The following DBNDD1 variants were observed in gnomAD, a reference collection of about 807,000 sequenced individuals.
DBNDD1 encodes dysbindin domain-containing protein 1.
In DBNDD1, 14 loss-of-function variants were observed where a neutral mutation model predicts 17.0. The ratio of observed to expected loss-of-function variants is 0.82; its 90% CI spans 0.54 to 1.29. The LOEUF is 1.29. Ranked by LOEUF, DBNDD1 falls within the 50% of genes most tolerant of loss-of-function variation. The pLI, the probability that DBNDD1 is intolerant of heterozygous loss-of-function variation, is 0.00. For missense variants in DBNDD1, 221 were observed against 216.2 expected (o/e 1.02, Z -0.14); for synonymous variants, 105 against 102.0 (o/e 1.03, Z -0.18).
chr16:90,009,743 C>A, intron 1 of DBNDD1: 1 of 634,544 alleles, frequency 1.6e-6, no homozygotes. Context: ...CCCACCAGGG[C>A]CCGCGTGGCT....
chr16:90,008,727 C>T, intron 3 of DBNDD1, 57 bp downstream of exon 3: 2 of 1,551,062 alleles, frequency 1.3e-6, no homozygotes, highest in South Asian at 2.3e-5. Flanking sequence ...CAGGACTTCC[C>T]AAGGGGCCTC....
chr16:90,013,734 A>G (rs1281231305), intron 1 of DBNDD1, among the ~76,000 whole-genome samples: 1 of 152,166 alleles, frequency 6.6e-6, no homozygotes, highest in Non-Finnish European at 1.5e-5. Context: ...CACCCAACCA[A>G]GACTTCCGAA....
chr16:90,013,925 TGGGGC>T (rs2035597006), intron 1 of DBNDD1, among the ~76,000 whole-genome samples: 1 of 10,728 alleles, frequency 9.3e-5, no homozygotes, highest in African/African-American at 4.7e-4. Flanking sequence ...TGATACTGGG[TGGGGC>T]GGGGGGGGAC....
chr16:90,019,624 C>T, upstream of DBNDD1: 1 of 404,234 alleles, frequency 2.5e-6, no homozygotes, highest in Non-Finnish European at 4.3e-6. This position sits in a 1 kb window ranked among gnomAD's most constrained non-coding sequence, Gnocchi z 6.1. Context: ...GACCCCTCCC[C>T]CGCCGACCCT....
chr16:90,018,747 A>T (rs56240065), intron 1 of DBNDD1, among the ~76,000 whole-genome samples: 1 of 152,162 alleles, frequency 6.6e-6, no homozygotes, highest in Non-Finnish European at 1.5e-5. Context: ...CGCCTGGGCC[A>T]CTCCCGGACC....
chr16:90,015,581 A>G (rs1357830423), intron 1 of DBNDD1, among the ~76,000 whole-genome samples: 1 of 152,220 alleles, frequency 6.6e-6, no homozygotes, highest in Non-Finnish European at 1.5e-5. Context: ...AGCGTGATTC[A>G]CAGTAGCCAA....
Position 90,006,114 on chromosome 16 carries a change from C to G in DBNDD1, c.*221G>C. On this transcript the variant is annotated 3_prime_UTR_variant, in exon 4 of 4. Coordinates refer to ENST00000002501, the MANE Select transcript of DBNDD1 (RefSeq NM_001042610.3). Reference sequence around the variant, plus strand: ...AGAGGCATCCGGGGGCCCCGTGTGTCCCCCAGGAAAGCCGGCTGGTCTCCA... The same window carrying G: ...AGAGGCATCCGGGGGCCCCGTGTGTGCCCCAGGAAAGCCGGCTGGTCTCCA... 3.1e-6 allele frequency: 2 copies of G among 645,356 alleles called. No individual in the cohort carries two copies. Among genetic ancestry groups the G allele is most frequent in the Non-Finnish European group, 5.0e-6 (2 of 399,066 alleles). The allele number at this position is 645,356 out of a possible 1,614,324, so 40.0% of individuals were successfully genotyped here.
At chr16:90,007,482 C>T (rs1444140537) in intron 3 of DBNDD1, 2 of 152,318 alleles carry the variant, frequency 1.3e-5, no homozygotes, top group East Asian at 3.8e-4. Flanking sequence ...GTCGCATCCT[C>T]ATGAGTCCTG....
chr16:90,009,145 A>G (rs2035500727), intron 2 of DBNDD1, 139 bp downstream of exon 2: 2 of 1,340,006 alleles, frequency 1.5e-6, no homozygotes, highest in Non-Finnish European at 2.0e-6. Flanking sequence ...AGAGAACCAG[A>G]GCTGCAAGAG....
intron 1 of DBNDD1, chr16:90,011,606 C>T (rs1410884754): frequency 2.2e-6 from 1 of 452,368 alleles, no homozygotes; most frequent in African/African-American, 2.0e-5. Context: ...AAGCCGAGTG[C>T]TGTGTCATGG....
At chr16:90,015,691 C>G (rs1283777201) in intron 1 of DBNDD1, among the ~76,000 whole-genome samples, 1 of 152,206 alleles carries the variant, frequency 6.6e-6, no homozygotes, top group African/African-American at 2.4e-5. Context: ...GACGGCGGTA[C>G]TGACACCGGA....
chr16:90,016,161 G>A (rs1324726414), intron 1 of DBNDD1, among the ~76,000 whole-genome samples: 1 of 152,164 alleles, frequency 6.6e-6, no homozygotes, highest in Admixed American at 6.5e-5. Flanking sequence ...GGACTGGGTA[G>A]AGCGAGAAGC....
intron 1 of DBNDD1, among the ~76,000 whole-genome samples, chr16:90,010,429 G>A (rs1597580151): frequency 6.8e-6 from 1 of 146,782 alleles, no homozygotes; most frequent in Non-Finnish European, 1.5e-5. Context: ...GTGCAGTGGC[G>A]CGATCTCGGC....
intron 3 of DBNDD1, among the ~76,000 whole-genome samples, chr16:90,008,165 C>T (rs1597577556): frequency 1.2e-4 from 12 of 100,556 alleles, no homozygotes; most frequent in African/African-American, 4.0e-4. Context: ...TCCCAAGGGG[C>T]CTCAGCCCAC....
intron 1 of DBNDD1, among the ~76,000 whole-genome samples, chr16:90,015,536 C>T (rs545383124): frequency 3.9e-5 from 6 of 152,290 alleles, no homozygotes; most frequent in South Asian, 2.1e-4. Context: ...TAACACTTAA[C>T]GTTGTTCAAG....
intron 1 of DBNDD1, among the ~76,000 whole-genome samples, chr16:90,013,909 G>A (rs2035596316): frequency 7.2e-6 from 1 of 139,702 alleles, no homozygotes; most frequent in Non-Finnish European, 1.5e-5. Flanking sequence ...GTGGGAGGGA[G>A]CCGTGTGATA....
intron 1 of DBNDD1, among the ~76,000 whole-genome samples, chr16:90,014,999 T>C (rs540313288): frequency 8.9e-3 from 77 of 8,686 alleles, no homozygotes; most frequent in African/African-American, 0.023. Flanking sequence ...AACGAGACTC[T>C]TGTTTCAAAA....
Position 90,010,941 on chromosome 16 carries a change from C to A in DBNDD1, c.32-1511G>T, listed in dbSNP as rs200335767. 6.6e-5 allele frequency among the ~76,000 whole-genome samples: 10 copies of A among 152,356 alleles called. No individual in the cohort carries two copies. The East Asian group carries it at 1.2e-3, about 18-fold the overall frequency. On this transcript the variant is annotated intron_variant, in intron 1 of 3. Transcript: ENST00000002501. ...GACAAAGCGCTGGCTTCCTTCCCCC[C>A]ACCCATTGCCCCTGCAGGAACCTGT...
chr16:90,009,197 T>G (rs998151444), intron 2 of DBNDD1, 87 bp downstream of exon 2: 2 of 1,559,304 alleles, frequency 1.3e-6, no homozygotes, highest in African/African-American at 2.7e-5. Flanking sequence ...AGGGAGTGTT[T>G]GGACAGGAGG....
Sources: gnomAD v4.1 joint callset for allele counts (sites outside exome capture counted in the v4.1 genomes callset) on GRCh38, gnomAD v4.1.1 for gene constraint, Gnocchi (gnomAD v3.1) non-coding constraint, MANE v1.5 for transcripts, NCBI Gene and HGNC (gene_info 2026-07-23, HGNC 2026-07-21) for gene names.